ADCK1: variants seen among roughly 807,000 people sequenced by gnomAD.
ADCK1 encodes the protein aarF domain containing kinase 1, also known as aarF domain-containing protein kinase 1.
ADCK1 carries 41 observed loss-of-function variants against 52.3 expected under a neutral mutation model. That is an observed-to-expected ratio of 0.78 (90% confidence interval 0.61 to 1.02). The LOEUF (loss-of-function observed/expected upper bound fraction) is 1.02. Ranked by LOEUF, ADCK1 falls within the 50% of genes least tolerant of loss-of-function variation. The pLI is 0.00. For synonymous variants in ADCK1, 250 were observed against 274.6 expected, an observed-to-expected ratio of 0.91 and a Z score of 0.89; for missense variants, 658 against 679.5, an observed-to-expected ratio of 0.97 and a Z score of 0.35.
intron 5 of ADCK1, among the ~76,000 whole-genome samples, chr14:77,888,053 C>G (rs544151368): frequency 6.6e-6 from 1 of 152,168 alleles, no homozygotes; most frequent in South Asian, 2.1e-4. Flanking sequence ...GAGTGAGCCC[C>G]ATCTTCATCT....
At chr14:77,924,703 G>T (rs900364880) in intron 8 of ADCK1, 97 bp downstream of exon 8, 1 of 1,504,822 alleles carries the variant, frequency 6.6e-7, no homozygotes, top group Non-Finnish European at 8.9e-7. Context: ...GATAGCGAGG[G>T]TAGCTGGAAA....
Position 77,933,223 on chromosome 14 carries a change from C to A in ADCK1, c.1404C>A (p.His468Gln). ...TTTTTTCTTTCCCTTTTTCCAGGCA[C>A]AAGAAGAAGAATACCTGTTCATTCT... ...SRCCIRALAE[H>Q]KKKNTCSFFR... The change falls in exon 11 of 11, where the codon CAC (histidine) becomes CAA (glutamine). Residue 468 changes from histidine to glutamine, a missense_variant. Coordinates refer to ENST00000238561, the MANE Select transcript of ADCK1 (RefSeq NM_020421.4). The A allele has an allele frequency of 6.2e-7, 1 of 1,612,192 alleles. No homozygotes were observed.
intron 5 of ADCK1, among the ~76,000 whole-genome samples, chr14:77,895,973 T>A (rs1315412716): frequency 6.6e-6 from 1 of 152,158 alleles, no homozygotes; most frequent in Non-Finnish European, 1.5e-5. Flanking sequence ...ACCAAGGAAG[T>A]GACCCACAAC....
rs78932169 is a variant in ADCK1 at position 77,850,051 on chromosome 14, T to A, written c.220-9025T>A. Among the ~76,000 whole-genome samples the A allele has an allele frequency of 9.0e-3, 1,367 of 152,134 alleles. 26 individuals carry two copies. The highest frequency in any genetic ancestry group is 0.032 in the African/African-American group (1,311 of 41,486). ...GAGACCCTGACTCAACAAAAAATTT[T>A]AAAAAATTACCTGGGTGTGGTGGTG... is the stretch of plus-strand genomic sequence containing the variant. On this transcript the variant is annotated intron_variant, in intron 3 of 10. Transcript: ENST00000238561.
At chr14:77,921,554 C>G (rs1281357315) in intron 7 of ADCK1, among the ~76,000 whole-genome samples, 2 of 152,060 alleles carry the variant, frequency 1.3e-5, no homozygotes, top group Non-Finnish European at 2.9e-5. Context: ...CCCCAGATCT[C>G]CCATGCCCAG....
At chr14:77,832,010 C>T (rs1215021318) in intron 3 of ADCK1, among the ~76,000 whole-genome samples, 1 of 150,994 alleles carries the variant, frequency 6.6e-6, no homozygotes, top group Non-Finnish European at 1.5e-5. Flanking sequence ...CGGAGTCTCA[C>T]TGTATCACCC....
At chr14:77,859,838 A>C (rs1447514759) in intron 4 of ADCK1, among the ~76,000 whole-genome samples, 7 of 152,240 alleles carry the variant, frequency 4.6e-5, no homozygotes, top group Admixed American at 1.3e-4. Flanking sequence ...TGCTCAACAA[A>C]TATTAGCTAT....
chr14:77,885,077 C>T (rs1297365315), intron 4 of ADCK1, among the ~76,000 whole-genome samples: 3 of 152,236 alleles, frequency 2.0e-5, no homozygotes, highest in African/African-American at 7.2e-5. Flanking sequence ...CAACTAGTTC[C>T]AGCCCTGTTC....
chr14:77,870,774 C>T (rs184847411), intron 4 of ADCK1, among the ~76,000 whole-genome samples: 13 of 152,330 alleles, frequency 8.5e-5, no homozygotes, highest in African/African-American at 2.4e-4. Context: ...GGCCCCATGC[C>T]TTCTAGGACT....
At chr14:77,881,812 G>A (rs906877416) in intron 4 of ADCK1, among the ~76,000 whole-genome samples, 45 of 152,296 alleles carry the variant, frequency 3.0e-4, no homozygotes, top group African/African-American at 1.1e-3. Context: ...ATATTTTAAA[G>A]CTATCACCGG....
At chr14:77,805,786 G>A (rs1174735554) in intron 1 of ADCK1, among the ~76,000 whole-genome samples, 1 of 151,782 alleles carries the variant, frequency 6.6e-6, no homozygotes, top group Non-Finnish European at 1.5e-5. Flanking sequence ...CTTGTCCAGG[G>A]GGCTCAGTCT....
chr14:77,842,637 G>A (rs570381732), intron 3 of ADCK1, among the ~76,000 whole-genome samples: 7 of 151,146 alleles, frequency 4.6e-5, no homozygotes, highest in African/African-American at 1.2e-4. Context: ...TGCAATCTCC[G>A]TCTCCTGGGT....
At chr14:77,887,356 C>A in intron 5 of ADCK1, 107 bp downstream of exon 5, 1 of 1,274,410 alleles carries the variant, frequency 7.8e-7, no homozygotes, top group Non-Finnish European at 1.0e-6. Context: ...TGTGGCCCTT[C>A]AAGCAGCAGA....
At chr14:77,914,662 C>T in intron 7 of ADCK1, 1 of 880,874 alleles carries the variant, frequency 1.1e-6, no homozygotes, top group Non-Finnish European at 1.4e-6. Flanking sequence ...GGGTAAGCAA[C>T]ATCCTCTGAG....
chr14:77,829,452 A>G (rs1160725909), intron 3 of ADCK1, among the ~76,000 whole-genome samples: 1 of 150,918 alleles, frequency 6.6e-6, no homozygotes, highest in Non-Finnish European at 1.5e-5. Flanking sequence ...ACCACCATGC[A>G]GGGCTAATTT....
At chr14:77,924,075 A>G (rs974301176) in intron 7 of ADCK1, 1 of 174,402 alleles carries the variant, frequency 5.7e-6, no homozygotes, top group African/African-American at 2.5e-5. Flanking sequence ...TGTTCAGCCC[A>G]TTCTCAGCTT....
At chr14:77,860,364 T>C (rs1346876576) in intron 4 of ADCK1, among the ~76,000 whole-genome samples, 2 of 152,230 alleles carry the variant, frequency 1.3e-5, no homozygotes, top group African/African-American at 4.8e-5. Context: ...GTTAGGCTAC[T>C]TGGCGCAGGG....
intron 4 of ADCK1, 38 bp from the exon 5 acceptor site, chr14:77,887,053 C>G: frequency 6.6e-7 from 1 of 1,505,230 alleles, no homozygotes; most frequent in Non-Finnish European, 8.9e-7. Context: ...TGAACTGGGT[C>G]ATCTTTTTCA....
chr14:77,918,118 AT>A (rs1367788212), intron 7 of ADCK1, among the ~76,000 whole-genome samples: 1 of 152,150 alleles, frequency 6.6e-6, no homozygotes, highest in African/African-American at 2.4e-5. Flanking sequence ...AGCCATCATT[AT>A]TTGTCATGCT....
Sources: gnomAD v4.1 joint callset for allele counts (sites outside exome capture counted in the v4.1 genomes callset) on GRCh38, gnomAD v4.1.1 for gene constraint, MANE v1.5 for transcripts, NCBI Gene and HGNC (gene_info 2026-07-23, HGNC 2026-07-21) for gene names.